Variants in ERC2 observed in about 807,000 individuals in gnomAD.
ERC2 encodes ERC protein 2.
Under a neutral mutation model 114.8 loss-of-function variants are expected in ERC2, and 42 were observed. The observed-to-expected ratio is 0.37, with a 90% CI of 0.29 to 0.47. The LOEUF (loss-of-function observed/expected upper bound fraction) is 0.47, where lower values mean the gene tolerates loss of function less well. Among genes scored for constraint, ERC2 ranks in the 20% least tolerant of loss-of-function variants. ERC2 has a pLI of 0.99. For synonymous variants in ERC2, 454 were observed against 425.5 expected, an observed-to-expected ratio of 1.07 and a Z score of -0.82; for missense variants, 939 against 1,150.7, an observed-to-expected ratio of 0.82 and a Z score of 2.66.
chr3:55,746,404 T>C (rs558029980), intron 14 of ERC2, among the ~76,000 whole-genome samples: 1 of 152,174 alleles, frequency 6.6e-6, no homozygotes, highest in South Asian at 2.1e-4. Context: ...CAGTTAATTT[T>C]TGTAGTTTTA....
At chr3:55,908,368 G>A (rs571743233) in intron 13 of ERC2, among the ~76,000 whole-genome samples, 1 of 152,220 alleles carries the variant, frequency 6.6e-6, no homozygotes, top group African/African-American at 2.4e-5. Context: ...TGTCAAGCAG[G>A]GTTGGTGGAA....
intron 12 of ERC2, among the ~76,000 whole-genome samples, chr3:55,983,347 G>T (rs934597600): frequency 6.6e-6 from 1 of 152,146 alleles, no homozygotes; most frequent in Non-Finnish European, 1.5e-5. Flanking sequence ...CTCACAAATA[G>T]TTACTAGAAA....
intron 14 of ERC2, among the ~76,000 whole-genome samples, chr3:55,861,857 G>C (rs1485220865): frequency 6.6e-6 from 1 of 152,190 alleles, no homozygotes; most frequent in African/African-American, 2.4e-5. Flanking sequence ...AACTTGGGGA[G>C]AATATTCTCT....
At chr3:56,311,997 T>C (rs2056610315) in intron 2 of ERC2, among the ~76,000 whole-genome samples, 1 of 152,120 alleles carries the variant, frequency 6.6e-6, no homozygotes, top group Non-Finnish European at 1.5e-5. Context: ...ATAAGAACTA[T>C]TTGCATAGCA....
intron 10 of ERC2, among the ~76,000 whole-genome samples, chr3:55,994,379 C>A (rs999349666): frequency 4.0e-5 from 6 of 151,886 alleles, no homozygotes; most frequent in South Asian, 2.1e-4. Context: ...TTATTATAGT[C>A]CGTTTTTAAT....
intron 6 of ERC2, among the ~76,000 whole-genome samples, chr3:56,102,440 G>A (rs999125843): frequency 1.3e-5 from 2 of 152,096 alleles, no homozygotes; most frequent in African/African-American, 4.8e-5. Context: ...AAAGAACACG[G>A]GGTGAGAACA....
chr3:56,041,094 G>A (rs1370933199), intron 7 of ERC2, among the ~76,000 whole-genome samples: 2 of 151,970 alleles, frequency 1.3e-5, no homozygotes, highest in East Asian at 3.9e-4. Context: ...TCAAAATTGT[G>A]ATTTTTCTTG....
intron 17 of ERC2, among the ~76,000 whole-genome samples, chr3:55,614,628 A>G (rs932618023): frequency 6.6e-6 from 1 of 152,200 alleles, no homozygotes; most frequent in Non-Finnish European, 1.5e-5. Context: ...ATTATATACT[A>G]CTATGCCAAT....
intron 3 of ERC2, among the ~76,000 whole-genome samples, chr3:56,240,695 A>T (rs1022922365): frequency 6.6e-6 from 1 of 152,234 alleles, no homozygotes; most frequent in Non-Finnish European, 1.5e-5. Flanking sequence ...AAAATGAGTC[A>T]TTTAAATATG....
chr3:55,723,384 A>G (rs747273953), intron 15 of ERC2, among the ~76,000 whole-genome samples: 32 of 152,314 alleles, frequency 2.1e-4, no homozygotes, highest in South Asian at 8.3e-4. Context: ...TAAAAGATGT[A>G]TCTCTATGCT....
chr3:56,320,269 C>G (rs1449110586), intron 2 of ERC2, among the ~76,000 whole-genome samples: 1 of 152,156 alleles, frequency 6.6e-6, no homozygotes, highest in Non-Finnish European at 1.5e-5. Context: ...TGACAGCCGA[C>G]TTTTCAAGGA....
At chr3:55,835,257 C>G (rs1344706158) in intron 14 of ERC2, among the ~76,000 whole-genome samples, 1 of 152,148 alleles carries the variant, frequency 6.6e-6, no homozygotes, top group Admixed American at 6.5e-5. Context: ...TTTTATGAGG[C>G]CAGCATCATC....
At chr3:55,839,612 T>C (rs895367170) in intron 14 of ERC2, among the ~76,000 whole-genome samples, 27 of 151,934 alleles carry the variant, frequency 1.8e-4, no homozygotes, top group Admixed American at 9.2e-4. Flanking sequence ...AATGGTATAA[T>C]ATTATTTGAA....
At chr3:56,138,094 C>G (rs1474079212) in intron 6 of ERC2, among the ~76,000 whole-genome samples, 1 of 119,648 alleles carries the variant, frequency 8.4e-6, no homozygotes, top group African/African-American at 3.2e-5. Flanking sequence ...AAGTCTCACT[C>G]TGTCACCCAG....
chr3:55,732,676 A>T (rs984968016), intron 15 of ERC2, among the ~76,000 whole-genome samples: 24 of 152,352 alleles, frequency 1.6e-4, no homozygotes, highest in Admixed American at 1.0e-3. Flanking sequence ...AAAGTATCTA[A>T]GAGAAAGAAA....
intron 2 of ERC2, among the ~76,000 whole-genome samples, chr3:56,366,018 G>A (rs1311435393): frequency 6.6e-6 from 1 of 152,166 alleles, no homozygotes; most frequent in African/African-American, 2.4e-5. Context: ...ACCAGCCTGG[G>A]AAGCCAGGCC....
At chr3:55,832,450 G>A (rs1038461108) in intron 14 of ERC2, among the ~76,000 whole-genome samples, 10 of 152,206 alleles carry the variant, frequency 6.6e-5, no homozygotes, top group Non-Finnish European at 1.3e-4. Flanking sequence ...CACGGTTCAC[G>A]AAAATCCGCT....
At position 56,142,776 on chromosome 3, in the gene ERC2, T is replaced by C. The variant is rs544829362; in HGVS notation, c.1306-3100A>G. Reference sequence around the variant, plus strand: ...TATTCTTTCTACTGGCTGTCATTTATGGTGGCCTGTTTTCTTGCAGATTTT... The same window carrying C: ...TATTCTTTCTACTGGCTGTCATTTACGGTGGCCTGTTTTCTTGCAGATTTT... On this transcript the variant is annotated intron_variant, in intron 5 of 17. Coordinates refer to ENST00000288221, the MANE Select transcript of ERC2 (RefSeq NM_015576.3). Among the ~76,000 whole-genome samples, 16 of 152,256 alleles carry C rather than the reference T, an allele frequency of 1.1e-4. No individual in the cohort carries two copies. The South Asian group carries it at 3.3e-3, about 32-fold the overall frequency.
At chr3:56,296,555 G>A in intron 2 of ERC2, 120 bp from the exon 3 acceptor site, 2 of 1,073,590 alleles carry the variant, frequency 1.9e-6, no homozygotes, top group South Asian at 1.7e-5. Flanking sequence ...AGGTCCGGAG[G>A]GCCAGCCATG....
Sources: allele counts gnomAD v4.1 joint callset (sites outside exome capture counted in the v4.1 genomes callset), GRCh38; gene constraint gnomAD v4.1.1; transcripts MANE v1.5; gene names NCBI Gene and HGNC (gene_info 2026-07-23, HGNC 2026-07-21).